The following SCN1A variants were observed in gnomAD, a reference collection of about 807,000 sequenced individuals.
The protein encoded by SCN1A is sodium channel protein type 1 subunit alpha.
Under a neutral mutation model 193.7 loss-of-function variants are expected in SCN1A, and 13 were observed. The ratio of observed to expected loss-of-function variants is 0.07; its 90% CI spans 0.04 to 0.11. The LOEUF is 0.11. Among genes scored for constraint, SCN1A ranks in the 10% least tolerant of loss-of-function variants. SCN1A has a pLI of 1.00. For missense variants in SCN1A, 1,432 were observed against 2,451.1 expected (o/e 0.58, Z 8.78); for synonymous variants, 781 against 843.6 (o/e 0.93, Z 1.29).
upstream of SCN1A, among the ~76,000 whole-genome samples, chr2:166,131,883 A>G (rs1466382573): frequency 6.6e-6 from 1 of 152,170 alleles, no homozygotes; most frequent in Non-Finnish European, 1.5e-5. Context: ...AAAATTTCCC[A>G]AAGTGATGAC....
At chr2:166,023,526 T>C (rs1264944533) in intron 19 of SCN1A, among the ~76,000 whole-genome samples, 1 of 152,212 alleles carries the variant, frequency 6.6e-6, no homozygotes, top group African/African-American at 2.4e-5. Flanking sequence ...TTGTAGTGTT[T>C]GAGAATTTGA....
Position 166,095,096 on chromosome 2 carries a change from A to G in SCN1A, c.-141-17295T>C, listed in dbSNP as rs558757988. Among the ~76,000 whole-genome samples the G allele has an allele frequency of 2.0e-5, 3 of 152,334 alleles. No individual in the cohort carries two copies. In the South Asian group the frequency reaches 6.2e-4, roughly 32 times the overall value. On this transcript the variant is annotated intron_variant, in intron 2 of 28. Transcript: ENST00000674923. ...TAAGCTCCCCATTGCTACAGTTTATACCCATTTTAAATGATTTATCTTTCC... is the reference window on the plus strand; with the variant it reads ...TAAGCTCCCCATTGCTACAGTTTATGCCCATTTTAAATGATTTATCTTTCC...
At chr2:165,994,784 CTTT>C (rs1689787304) in intron 27 of SCN1A, among the ~76,000 whole-genome samples, 1 of 151,274 alleles carries the variant, frequency 6.6e-6, no homozygotes. Flanking sequence ...TTTTTCAAGA[CTTT>C]CCAATGATCA....
At chr2:166,148,471 C>A (rs1228643670) in intron 1 of SCN1A, among the ~76,000 whole-genome samples, 1 of 152,192 alleles carries the variant, frequency 6.6e-6, no homozygotes, top group Non-Finnish European at 1.5e-5. Flanking sequence ...AAACACAGCA[C>A]AGTTTGAGCC....
chr2:166,102,742 T>C (rs542579908), intron 2 of SCN1A, among the ~76,000 whole-genome samples: 1 of 152,098 alleles, frequency 6.6e-6, no homozygotes, highest in Admixed American at 6.5e-5. Context: ...AAAAGACACA[T>C]GCACGCATAT....
At chr2:166,041,176 G>T in intron 16 of SCN1A, 55 bp downstream of exon 16, 1 of 1,297,386 alleles carries the variant, frequency 7.7e-7, no homozygotes, top group Non-Finnish European at 1.1e-6. Context: ...AATGTAAACA[G>T]TTTTTCAAGC....
At chr2:166,067,926 GACT>G (rs1164135617) in intron 4 of SCN1A, among the ~76,000 whole-genome samples, 36 of 152,126 alleles carry the variant, frequency 2.4e-4, no homozygotes, top group African/African-American at 8.7e-4. Context: ...GACCTAATTA[GACT>G]CAATTCTAGG....
chr2:166,065,302 G>A (rs1683717766), intron 4 of SCN1A, among the ~76,000 whole-genome samples: 1 of 152,152 alleles, frequency 6.6e-6, no homozygotes, highest in East Asian at 1.9e-4. Flanking sequence ...GGGAGAATTA[G>A]AGCCATGTTG....
intron 22 of SCN1A, among the ~76,000 whole-genome samples, chr2:166,010,480 G>A (rs1276382611): frequency 6.6e-6 from 1 of 151,002 alleles, no homozygotes; most frequent in Non-Finnish European, 1.5e-5. Context: ...TGGCCCCAAA[G>A]GGCCAATCAA....
chr2:165,991,849 T>C lies in SCN1A; in HGVS notation c.5426A>G (p.Tyr1809Cys), dbSNP rs1260877885. 1.2e-6 allele frequency: 2 copies of C among 1,613,950 alleles called. No individual in the cohort carries two copies. Among genetic ancestry groups the C allele is most frequent in the African/African-American group, 1.3e-5 (1 of 75,004 alleles). Residue 1809 changes from tyrosine to cysteine, a missense_variant, in exon 29 of 29, where the codon TAT becomes TGT. This residue lies in a region of SCN1A where 59 missense variants were observed against 110.6 expected (regional missense o/e 0.53). Coordinates refer to ENST00000674923, the MANE Select transcript of SCN1A (RefSeq NM_001165963.4). Reference protein sequence around the residue: ...PLSEDDFEMFYEVWEKFDPDA... With the variant: ...PLSEDDFEMFCEVWEKFDPDA... ...GGGATCAAACTTCTCCCAAACCTCATAGAACATCTCAAAGTCATCCTCACT... is the reference window on the plus strand; with the variant it reads ...GGGATCAAACTTCTCCCAAACCTCACAGAACATCTCAAAGTCATCCTCACT...
intron 10 of SCN1A, 121 bp downstream of exon 10, chr2:166,048,765 C>T: frequency 1.4e-6 from 1 of 706,232 alleles, no homozygotes; most frequent in Admixed American, 2.3e-5. Context: ...TTACATATAG[C>T]AAATTAATGT....
At chr2:166,016,727 A>G (rs901032237) in intron 19 of SCN1A, 1 of 151,982 alleles carries the variant, frequency 6.6e-6, no homozygotes, top group African/African-American at 2.4e-5. Flanking sequence ...CTGAGTATTC[A>G]CTGATAACTG....
intron 23 of SCN1A, 64 bp from the exon 24 acceptor site, chr2:166,002,817 C>T (rs1691116661): frequency 1.5e-6 from 2 of 1,376,642 alleles, no homozygotes; most frequent in Admixed American, 2.3e-5. Flanking sequence ...AAAAAAAATT[C>T]CCCTAGTAAT....
chr2:166,058,258 G>A (rs1182141007), intron 5 of SCN1A, among the ~76,000 whole-genome samples: 1 of 152,018 alleles, frequency 6.6e-6, no homozygotes, highest in African/African-American at 2.4e-5. Flanking sequence ...TTTGTATAAA[G>A]ATGGTAGAGG....
At chr2:165,995,416 G>A (rs1689889906) in intron 27 of SCN1A, among the ~76,000 whole-genome samples, 1 of 151,634 alleles carries the variant, frequency 6.6e-6, no homozygotes, top group African/African-American at 2.4e-5. Flanking sequence ...ATTTCATCAT[G>A]GAAGCATGAG....
intron 1 of SCN1A, among the ~76,000 whole-genome samples, chr2:166,138,772 A>AC (rs936099363): frequency 6.6e-6 from 1 of 152,052 alleles, no homozygotes; most frequent in Admixed American, 6.6e-5. Context: ...CATCCTCCAG[A>AC]CCCCAGAATG....
intron 1 of SCN1A, among the ~76,000 whole-genome samples, chr2:166,139,385 G>A (rs1467890426): frequency 6.6e-6 from 1 of 152,138 alleles, no homozygotes; most frequent in African/African-American, 2.4e-5. Flanking sequence ...AATCATGTGG[G>A]TGGGTTTTTC....
chr2:165,985,489 AG>A (rs1222896286), downstream of SCN1A: 1 of 152,156 alleles, frequency 6.6e-6, no homozygotes, highest in African/African-American at 2.4e-5. Context: ...TTCACTGGAT[AG>A]GAAAGAAATT....
At chr2:166,035,064 T>C (rs1574161741) in intron 19 of SCN1A, among the ~76,000 whole-genome samples, 1 of 152,180 alleles carries the variant, frequency 6.6e-6, no homozygotes, top group African/African-American at 2.4e-5. Context: ...GTAATTTTAG[T>C]TGAAGGAGCT....
Sources: gnomAD v4.1 joint callset for allele counts (sites outside exome capture counted in the v4.1 genomes callset) on GRCh38, gnomAD v4.1.1 for gene constraint, gnomAD v4.1.1 regional missense constraint, MANE v1.5 for transcripts, NCBI Gene and HGNC (gene_info 2026-07-23, HGNC 2026-07-21) for gene names.